Variants in KCNIP1 observed in about 807,000 individuals in gnomAD.
KCNIP1 encodes the protein potassium voltage-gated channel interacting protein 1.
A neutral mutation model predicts 33.0 loss-of-function variants in KCNIP1; 18 were observed. The ratio of observed to expected loss-of-function variants is 0.55; its 90% CI spans 0.38 to 0.81. KCNIP1 has a LOEUF of 0.81. KCNIP1 is among the 30% of genes least tolerant of loss of function. The probability of loss-of-function intolerance (pLI) is 0.00; values close to 1 mark genes in which losing one functional copy is unlikely to be tolerated. For synonymous variants in KCNIP1, 93 were observed against 98.3 expected (o/e 0.95, Z 0.32); for missense variants, 238 against 271.6 (o/e 0.88, Z 0.87).
chr5:170,405,119 G>T (rs1174560645), intron 1 of KCNIP1, among the ~76,000 whole-genome samples: 1 of 152,070 alleles, frequency 6.6e-6, no homozygotes, highest in Non-Finnish European at 1.5e-5. Flanking sequence ...AAGAAATATG[G>T]ATTAAATAAT....
At chr5:170,717,244 T>G (rs1310459691) in intron 1 of KCNIP1, among the ~76,000 whole-genome samples, 1 of 152,240 alleles carries the variant, frequency 6.6e-6, no homozygotes, top group Non-Finnish European at 1.5e-5. Flanking sequence ...TATGTGAATT[T>G]TTCTCCTTTT....
intron 1 of KCNIP1, among the ~76,000 whole-genome samples, chr5:170,625,906 AC>A (rs1759802201): frequency 6.6e-6 from 1 of 152,214 alleles, no homozygotes; most frequent in Non-Finnish European, 1.5e-5. Flanking sequence ...AGACAGAGCC[AC>A]TGAGCAGTGA....
At chr5:170,686,837 A>G (rs2113806709) in intron 1 of KCNIP1, among the ~76,000 whole-genome samples, 1 of 152,336 alleles carries the variant, frequency 6.6e-6, no homozygotes. Context: ...CACTGCAGCC[A>G]TCCTCCTTTA....
chr5:170,675,486 T>G (rs1762097599), intron 1 of KCNIP1, among the ~76,000 whole-genome samples: 1 of 151,988 alleles, frequency 6.6e-6, no homozygotes, highest in Admixed American at 6.5e-5. Context: ...CCGGGCATGG[T>G]GGCACGCACC....
intron 1 of KCNIP1, among the ~76,000 whole-genome samples, chr5:170,393,275 G>A (rs1475976068): frequency 6.6e-6 from 1 of 152,172 alleles, no homozygotes; most frequent in Non-Finnish European, 1.5e-5. Context: ...TTATGCACCT[G>A]CTTGTTTATT....
In KCNIP1 at chr5:170,383,859, A is replaced by G. The variant is rs910522356; in HGVS notation, c.88+29895A>G. On this transcript the variant is annotated intron_variant, in intron 1 of 7. Transcript: ENST00000377360. The stretch of plus-strand genomic sequence containing the variant: ...ATTCCTGGGTCCACACGCTGAGGAG[A>G]CCACACACATGCACACATACACATC... 5 of 1,613,194 alleles carry G rather than the reference A, an allele frequency of 3.1e-6. No individual in the cohort carries two copies. In the South Asian group the frequency reaches 5.5e-5, roughly 18 times the overall value.
rs146816542 is a variant in KCNIP1, at chr5:170,721,102, A to G, written c.256+712A>G. On this transcript the variant is annotated intron_variant, in intron 3 of 7. Coordinates refer to ENST00000328939, the MANE Select transcript of KCNIP1 (RefSeq NM_014592.4). ...CACCAAGAGCTGTCTCCTGCAAGAC[A>G]TCTTCCCTGGATCCTGACAAAATGC... Among the ~76,000 whole-genome samples the G allele has an allele frequency of 6.0e-4, 92 of 152,312 alleles. No homozygotes were observed. The East Asian group carries it at 0.013, about 21-fold the overall frequency.
intron 1 of KCNIP1, among the ~76,000 whole-genome samples, chr5:170,646,944 C>T (rs1760809411): frequency 6.6e-6 from 1 of 152,010 alleles, no homozygotes; most frequent in African/African-American, 2.4e-5. Context: ...TCCTATATAC[C>T]AGCAATGAAC....
intron 1 of KCNIP1, among the ~76,000 whole-genome samples, chr5:170,371,004 T>C (rs1316835265): frequency 6.6e-6 from 1 of 152,248 alleles, no homozygotes; most frequent in Admixed American, 6.5e-5. Flanking sequence ...GGACAAATTC[T>C]AGAGCGCATG....
intron 1 of KCNIP1, among the ~76,000 whole-genome samples, chr5:170,707,287 C>T (rs1046325810): frequency 2.0e-5 from 3 of 152,154 alleles, no homozygotes; most frequent in African/African-American, 7.2e-5. Context: ...TGCCTTGCAG[C>T]CTGGCCATGG....
chr5:170,603,198 T>G (rs186707097), intron 1 of KCNIP1, among the ~76,000 whole-genome samples: 9 of 152,340 alleles, frequency 5.9e-5, no homozygotes, highest in Admixed American at 5.2e-4. Context: ...TTCCGTTGCT[T>G]GGCAACCTGG....
intron 1 of KCNIP1, among the ~76,000 whole-genome samples, chr5:170,567,120 G>T (rs180692389): frequency 6.6e-6 from 1 of 152,316 alleles, no homozygotes; most frequent in Non-Finnish European, 1.5e-5. Context: ...CAGAGGCAGT[G>T]GTTCTTGGCA....
intron 1 of KCNIP1, among the ~76,000 whole-genome samples, chr5:170,421,560 T>C (rs1200733056): frequency 1.3e-5 from 2 of 152,188 alleles, no homozygotes; most frequent in African/African-American, 2.4e-5. Context: ...TGGCGTCTTC[T>C]TGCTGTGTCT....
chr5:170,430,040 C>G (rs1343045836), intron 1 of KCNIP1, among the ~76,000 whole-genome samples: 1 of 152,216 alleles, frequency 6.6e-6, no homozygotes, highest in Non-Finnish European at 1.5e-5. Context: ...GATTTCACCA[C>G]TTATTCCTCT....
intron 1 of KCNIP1, among the ~76,000 whole-genome samples, chr5:170,703,075 C>T (rs1479223639): frequency 1.5e-5 from 2 of 137,740 alleles, no homozygotes; most frequent in African/African-American, 5.3e-5. Flanking sequence ...TCTCGACACA[C>T]GTGATATTAG....
chr5:170,658,471 C>T (rs1362572523), intron 1 of KCNIP1, among the ~76,000 whole-genome samples: 1 of 152,184 alleles, frequency 6.6e-6, no homozygotes, highest in Non-Finnish European at 1.5e-5. Flanking sequence ...GCAATACTGC[C>T]ACATTGGAGA....
intron 1 of KCNIP1, among the ~76,000 whole-genome samples, chr5:170,514,157 C>G (rs1436353280): frequency 6.6e-6 from 1 of 152,196 alleles, no homozygotes; most frequent in African/African-American, 2.4e-5. Flanking sequence ...CTCCCAGGAA[C>G]TGAAAATGAC....
intron 5 of KCNIP1, among the ~76,000 whole-genome samples, chr5:170,726,394 G>A (rs1019760048): frequency 7.2e-5 from 11 of 152,098 alleles, no homozygotes; most frequent in Admixed American, 4.6e-4. Flanking sequence ...CTATATCACT[G>A]GTCTTCAAAG....
intron 1 of KCNIP1, among the ~76,000 whole-genome samples, chr5:170,685,614 G>A (rs1201163014): frequency 6.6e-6 from 1 of 151,812 alleles, no homozygotes; most frequent in Non-Finnish European, 1.5e-5. Flanking sequence ...TCAGCCTCCT[G>A]AGTAGCTGGG....
Sources: allele counts gnomAD v4.1 joint callset (sites outside exome capture counted in the v4.1 genomes callset), GRCh38; gene constraint gnomAD v4.1.1; transcripts MANE v1.5; gene names NCBI Gene and HGNC (gene_info 2026-07-23, HGNC 2026-07-21).